Variants in RND3 observed in about 807,000 individuals in gnomAD.
RND3 encodes the protein Rho family GTPase 3.
RND3 carries 8 observed loss-of-function variants against 26.5 expected under a neutral mutation model. That is an observed-to-expected ratio of 0.30 (90% CI 0.18 to 0.54). The LOEUF is 0.54. RND3 is among the 20% of genes least tolerant of loss of function. The pLI is 0.94. For synonymous variants in RND3, 113 were observed against 113.0 expected (o/e 1.00, Z 0.00); for missense variants, 207 against 302.8 (o/e 0.68, Z 2.35).
At chr2:150,476,949 C>A (rs1353640113) in intron 3 of RND3, among the ~76,000 whole-genome samples, 1 of 152,210 alleles carries the variant, frequency 6.6e-6, no homozygotes, top group African/African-American at 2.4e-5. Context: ...CAAAGTCTAA[C>A]TCTAGCACGG....
chr2:150,471,782 A>G (rs780110795), intron 4 of RND3, 21 bp from the exon 5 acceptor site: 4 of 1,267,160 alleles, frequency 3.2e-6, no homozygotes, highest in African/African-American at 3.0e-5. Flanking sequence ...AAAAAAAAAA[A>G]GATTAAAAAT....
At position 150,486,881 on chromosome 2, in the gene RND3, A is replaced by G. The variant is rs553941321; in HGVS notation, c.151-100T>C. On this transcript the variant is annotated intron_variant, in intron 2 of 5. Transcript: ENST00000263895. The surrounding 1 kb of genome is among the most constrained non-coding windows in gnomAD (Gnocchi z 4.5). ...AACACCCTTCCCCTCCCCGCTCCCC[A>G]GTTAAGAAAGAAAACCTTCACACAT... 34 of 867,448 alleles carry G rather than the reference A, an allele frequency of 3.9e-5. No homozygotes were observed. The East Asian group carries it at 7.9e-4, about 20-fold the overall frequency. 53.7% of individuals were successfully genotyped at this position (867,448 alleles called of 1,614,324 possible). A position where few individuals can be genotyped will look rare whatever the true frequency, so the allele number is the denominator to read the frequency against.
Position 150,470,065 on chromosome 2 carries a change from G to A in RND3, c.657C>T (p.His219=). The A allele has an allele frequency of 6.2e-7, 1 of 1,614,092 alleles. No homozygotes were observed. Among genetic ancestry groups the A allele is most frequent in the Non-Finnish European group, 8.5e-7 (1 of 1,179,964 alleles). ...KSQRATKRIS[H]MPSRPELSAV... The stretch of plus-strand genomic sequence containing the variant: ...CCGAGAGTTCTGGTCTGCTAGGCAT[G>A]TGTGAAATCCGCTTTGTGGCTCTCT... The change falls in exon 6 of 6, where the codon CAC becomes CAT. Residue 219 remains histidine, a synonymous_variant. Coordinates refer to ENST00000263895, the MANE Select transcript of RND3 (RefSeq NM_005168.5).
At chr2:150,470,548 C>T (rs1266210400) in intron 5 of RND3, among the ~76,000 whole-genome samples, 1 of 152,104 alleles carries the variant, frequency 6.6e-6, no homozygotes, top group Non-Finnish European at 1.5e-5. Flanking sequence ...TTATCAAACA[C>T]TTAACATGAG....
intron 5 of RND3, 35 bp from the exon 6 acceptor site, chr2:150,470,273 A>G: frequency 6.3e-7 from 1 of 1,598,882 alleles, no homozygotes; most frequent in Non-Finnish European, 8.5e-7. Flanking sequence ...AACCAGCAAT[A>G]AGACTTTGGG....
At position 150,469,831 on chromosome 2, in the gene RND3, A is replaced by G. The variant is rs953511090; in HGVS notation, c.*156T>C. 11 of 747,466 alleles carry G rather than the reference A, an allele frequency of 1.5e-5. No individual in the cohort carries two copies. The highest frequency in any genetic ancestry group is 2.1e-5 in the Non-Finnish European group (10 of 470,006). 46.3% of individuals were successfully genotyped at this position (747,466 alleles called of 1,614,324 possible). ...TCACTTGGTCTACATGCCGAACCTA[A>G]GGTCAGGATTCCAAAAAGATGAGTA... is the stretch of plus-strand genomic sequence containing the variant. On this transcript the variant is annotated 3_prime_UTR_variant, in exon 6 of 6. Transcript: ENST00000263895.
rs1686044366 is a variant in RND3, at chr2:150,469,494, G to A, written c.*493C>T. ...TTCCTTTTTAATGATGAGCTAGAAA[G>A]AAATTAGATCACATCCTCTAGAAAA... On this transcript the variant is annotated 3_prime_UTR_variant, in exon 6 of 6. Transcript: ENST00000263895. 6.5e-6 allele frequency: 1 copy of A among 154,164 alleles called. No homozygotes were observed. Among genetic ancestry groups the A allele is most frequent in the African/African-American group, 2.4e-5 (1 of 41,404 alleles). The allele number at this position is 154,164 out of a possible 1,614,324, so 9.5% of individuals were successfully genotyped here.
chr2:150,470,757 G>A (rs751006655), intron 5 of RND3, among the ~76,000 whole-genome samples: 3 of 152,166 alleles, frequency 2.0e-5, no homozygotes, highest in Admixed American at 1.3e-4. Flanking sequence ...TGGCCGTGGC[G>A]ATGTGGCCTT....
intron 4 of RND3, among the ~76,000 whole-genome samples, chr2:150,472,367 C>T (rs187299324): frequency 1.3e-5 from 2 of 152,308 alleles, no homozygotes; most frequent in African/African-American, 4.8e-5. Flanking sequence ...TGCAAAGGAA[C>T]ATCTCTTGGG....
At chr2:150,474,087 T>C (rs1467567213) in intron 4 of RND3, among the ~76,000 whole-genome samples, 2 of 152,180 alleles carry the variant, frequency 1.3e-5, no homozygotes, top group Non-Finnish European at 2.9e-5. Context: ...ACACGGCATG[T>C]GCCTTCTACA....
At chr2:150,474,695 A>G (rs184714540) in intron 4 of RND3, among the ~76,000 whole-genome samples, 180 bp downstream of exon 4, 135 of 152,354 alleles carry the variant, frequency 8.9e-4, no homozygotes, top group African/African-American at 3.0e-3. Context: ...ATAAAATTTC[A>G]AGCAAGTTCA....
At chr2:150,483,471 C>A (rs1686310503) in intron 3 of RND3, among the ~76,000 whole-genome samples, 1 of 152,172 alleles carries the variant, frequency 6.6e-6, no homozygotes, top group Non-Finnish European at 1.5e-5. Flanking sequence ...TAGAACTTTA[C>A]AGACTTGGCT....
intron 3 of RND3, chr2:150,475,221 G>A (rs1686145389): frequency 7.7e-6 from 3 of 390,986 alleles, no homozygotes; most frequent in South Asian, 2.6e-5. Context: ...GATCTTAAGT[G>A]AAATCTGTAT....
rs1553461879 is a variant in RND3, at chr2:150,487,474, A to ATATATATATATATATATAT, written c.-38-20_-38-19insATATATATATATATATATA. The stretch of plus-strand genomic sequence containing the variant: ...ATTTTCTCTTAAGAAGAAAAAAAAA[A>ATATATATATATATATATAT]ATATATATATATATATATATTTCTC... On this transcript the variant is annotated intron_variant, in intron 1 of 5. Coordinates refer to ENST00000263895, the MANE Select transcript of RND3 (RefSeq NM_005168.5). 1.8e-3 allele frequency: 362 copies of ATATATATATATATATATAT among 200,676 alleles called. 1 individual carries two copies. Among genetic ancestry groups the ATATATATATATATATATAT allele is most frequent in the African/African-American group, 2.7e-3 (100 of 36,612 alleles). The allele number at this position is 200,676 out of a possible 1,614,324, so 12.4% of individuals were successfully genotyped here.
chr2:150,478,415 G>A (rs1686209736), intron 3 of RND3, among the ~76,000 whole-genome samples: 1 of 151,712 alleles, frequency 6.6e-6, no homozygotes, highest in Non-Finnish European at 1.5e-5. Flanking sequence ...AAAAAAGGAA[G>A]AGGAATTCCA....
chr2:150,480,308 A>C (rs2105221079), intron 3 of RND3, among the ~76,000 whole-genome samples: 1 of 152,328 alleles, frequency 6.6e-6, no homozygotes, highest in Admixed American at 6.5e-5. Context: ...AATGTGCACA[A>C]CACCTGGTCA....
intron 3 of RND3, among the ~76,000 whole-genome samples, chr2:150,480,444 C>T (rs138653178): frequency 0.018 from 2,675 of 152,150 alleles, 38 homozygotes; most frequent in South Asian, 0.03. Context: ...GACTGAGCCA[C>T]GACTAATTCA....
chr2:150,487,325 G>C lies in RND3; in HGVS notation c.93C>G (p.Asp31Glu), dbSNP rs1260221848. The change falls in exon 2 of 6, where the codon GAC becomes GAG. Residue 31 changes from aspartate to glutamate, a missense_variant. Coordinates refer to ENST00000263895, the MANE Select transcript of RND3 (RefSeq NM_005168.5). ...GCAGCGCAGTTTTTCCACACTGACTGTCTCCCACCACAACTATCTTGCATT... is the reference window on the plus strand; with the variant it reads ...GCAGCGCAGTTTTTCCACACTGACTCTCTCCCACCACAACTATCTTGCATT... ...NVKCKIVVVG[D>E]SQCGKTALLH... 2 of 1,605,282 alleles carry C rather than the reference G, an allele frequency of 1.2e-6. No homozygotes were observed. Among genetic ancestry groups the C allele is most frequent in the Admixed American group, 1.7e-5 (1 of 59,372 alleles).
chr2:150,471,587 C>G (rs1371626342), intron 5 of RND3, 40 bp downstream of exon 5: 11 of 1,530,058 alleles, frequency 7.2e-6, no homozygotes, highest in Non-Finnish European at 9.7e-6. Context: ...TTCTTTCACT[C>G]TTTCTAAAAT....
Sources: gnomAD v4.1 joint callset for allele counts (sites outside exome capture counted in the v4.1 genomes callset) on GRCh38, gnomAD v4.1.1 for gene constraint, Gnocchi (gnomAD v3.1) non-coding constraint, MANE v1.5 for transcripts, NCBI Gene and HGNC (gene_info 2026-07-23, HGNC 2026-07-21) for gene names.